Variants in NRG1 observed in about 807,000 individuals in gnomAD.
NRG1 encodes the protein neuregulin 1.
In NRG1, 18 loss-of-function variants were observed where a neutral mutation model predicts 63.8. That is an observed-to-expected ratio of 0.28 (90% CI 0.19 to 0.42). The LOEUF (loss-of-function observed/expected upper bound fraction) is 0.42. NRG1 is among the 10% of genes least tolerant of loss of function. The pLI is 1.00. For synonymous variants in NRG1, 302 were observed against 301.3 expected (o/e 1.00, Z -0.02); for missense variants, 762 against 814.7 (o/e 0.94, Z 0.79).
intron 1 of NRG1, among the ~76,000 whole-genome samples, chr8:31,855,037 T>C (rs1333820301): frequency 1.3e-5 from 2 of 152,180 alleles, no homozygotes; most frequent in African/African-American, 2.4e-5. Flanking sequence ...TCCAAGTATG[T>C]GGTCAATTTT....
At chr8:32,616,264 GATTT>G (rs914788228) in intron 4 of NRG1, among the ~76,000 whole-genome samples, 1 of 151,244 alleles carries the variant, frequency 6.6e-6, no homozygotes, top group Non-Finnish European at 1.5e-5. Flanking sequence ...ACTATTGTAT[GATTT>G]ATTTAATTAG....
intron 1 of NRG1, among the ~76,000 whole-genome samples, chr8:32,340,339 T>A (rs924870849): frequency 6.6e-6 from 1 of 152,132 alleles, no homozygotes; most frequent in Non-Finnish European, 1.5e-5. Flanking sequence ...CTCTTGAAAT[T>A]GAAAAGGGTT....
At chr8:32,495,131 A>T (rs898680236) in intron 1 of NRG1, among the ~76,000 whole-genome samples, 2 of 152,172 alleles carry the variant, frequency 1.3e-5, no homozygotes, top group African/African-American at 4.8e-5. Context: ...TGACCAGGTG[A>T]TATGGTTTGA....
chr8:32,744,166 A>G (rs1217670830), intron 7 of NRG1, among the ~76,000 whole-genome samples: 1 of 152,164 alleles, frequency 6.6e-6, no homozygotes, highest in Non-Finnish European at 1.5e-5. Context: ...TGATGCATGC[A>G]GAGAATAAGT....
intron 1 of NRG1, among the ~76,000 whole-genome samples, chr8:32,420,717 G>A (rs536506596): frequency 1.3e-5 from 2 of 152,194 alleles, no homozygotes; most frequent in Admixed American, 1.3e-4. Flanking sequence ...AATCCAAATA[G>A]GGCTTTATGA....
intron 1 of NRG1, among the ~76,000 whole-genome samples, chr8:32,064,020 A>G (rs979308538): frequency 1.3e-5 from 2 of 152,170 alleles, no homozygotes; most frequent in African/African-American, 4.8e-5. Flanking sequence ...CCTAAGTGTC[A>G]TGGGACGAGG....
At chr8:32,688,707 C>CT (rs1810824405) in intron 5 of NRG1, among the ~76,000 whole-genome samples, 1 of 152,034 alleles carries the variant, frequency 6.6e-6, no homozygotes, top group Non-Finnish European at 1.5e-5. Context: ...ATAACAGTGA[C>CT]TTTTTTTCAA....
intron 1 of NRG1, among the ~76,000 whole-genome samples, chr8:32,479,704 C>T (rs1277434484): frequency 6.6e-6 from 1 of 152,054 alleles, no homozygotes; most frequent in African/African-American, 2.4e-5. Context: ...GTCTGGAGTA[C>T]AGTGGCGCGA....
At chr8:31,991,553 T>C (rs1811095795) in intron 1 of NRG1, among the ~76,000 whole-genome samples, 1 of 151,958 alleles carries the variant, frequency 6.6e-6, no homozygotes, top group Admixed American at 6.6e-5. Flanking sequence ...ATATTTGATA[T>C]GAGTGCTAGG....
At chr8:32,146,805 T>C (rs1836914695) in intron 1 of NRG1, among the ~76,000 whole-genome samples, 1 of 152,118 alleles carries the variant, frequency 6.6e-6, no homozygotes, top group Non-Finnish European at 1.5e-5. Context: ...TGGTGTTATT[T>C]GCCACTCCTT....
At chr8:32,573,205 C>T (rs961696349) in intron 1 of NRG1, among the ~76,000 whole-genome samples, 6 of 152,184 alleles carry the variant, frequency 3.9e-5, no homozygotes, top group African/African-American at 9.6e-5. Flanking sequence ...CTTTATGAAA[C>T]CTGCCAATAC....
At chr8:32,596,079 A>G (rs1327109526) in intron 2 of NRG1, 74 bp downstream of exon 2, 11 of 1,168,832 alleles carry the variant, frequency 9.4e-6, no homozygotes, top group African/African-American at 1.5e-5. Flanking sequence ...TTAGACCCTA[A>G]TAAGTGAATT....
At chr8:32,315,917 A>C (rs1404133104) in intron 1 of NRG1, among the ~76,000 whole-genome samples, 1 of 152,226 alleles carries the variant, frequency 6.6e-6, no homozygotes, top group Non-Finnish European at 1.5e-5. Context: ...AATACTAAGC[A>C]GACTTCATGT....
Position 32,040,750 on chromosome 8 carries a change from C to CATAT in NRG1, c.37+401334_37+401337dup, listed in dbSNP as rs71208164. The stretch of plus-strand genomic sequence containing the variant: ...TATATATATATATGAAATTTAGGCG[C>CATAT]ATATATATATATATATATGCGCCTA... On this transcript the variant is annotated intron_variant, in intron 1 of 10. Coordinates refer to the NRG1 transcript ENST00000519301. 1.0e-3 allele frequency among the ~76,000 whole-genome samples: 49 copies of CATAT among 48,698 alleles called. 4 individuals are homozygous for CATAT. The highest frequency in any genetic ancestry group is 7.7e-3 in the South Asian group (7 of 914). The allele number at this position is 48,698 out of a possible 152,430, so 31.9% of individuals were successfully genotyped here.
chr8:32,323,041 C>T (rs534334700), intron 1 of NRG1, among the ~76,000 whole-genome samples: 1 of 152,148 alleles, frequency 6.6e-6, no homozygotes, highest in South Asian at 2.1e-4. Flanking sequence ...AGTCATTTAA[C>T]TTAATAACCT....
chr8:32,720,712 C>T (rs1022599673), intron 5 of NRG1, among the ~76,000 whole-genome samples: 9 of 152,060 alleles, frequency 5.9e-5, no homozygotes, highest in Non-Finnish European at 4.4e-5. Flanking sequence ...CTATGACATC[C>T]TCCATGGTAT....
intron 1 of NRG1, among the ~76,000 whole-genome samples, chr8:32,520,537 G>A (rs970176017): frequency 6.6e-6 from 1 of 152,090 alleles, no homozygotes; most frequent in African/African-American, 2.4e-5. Flanking sequence ...AATGAGATAT[G>A]TAGAGATATG....
At chr8:31,973,437 G>A (rs1470298497) in intron 1 of NRG1, among the ~76,000 whole-genome samples, 1 of 152,148 alleles carries the variant, frequency 6.6e-6, no homozygotes, top group Non-Finnish European at 1.5e-5. Context: ...TGAAGCCTGG[G>A]ATTTATTCAA....
At chr8:32,079,832 A>G (rs1827173196) in intron 1 of NRG1, among the ~76,000 whole-genome samples, 1 of 152,176 alleles carries the variant, frequency 6.6e-6, no homozygotes, top group Non-Finnish European at 1.5e-5. Context: ...TGGAAATAAT[A>G]TATCAAGGAT....
Sources: gnomAD v4.1 joint callset for allele counts (sites outside exome capture counted in the v4.1 genomes callset) on GRCh38, gnomAD v4.1.1 for gene constraint, MANE v1.5 for transcripts, NCBI Gene and HGNC (gene_info 2026-07-23, HGNC 2026-07-21) for gene names.